Variants in ACSM3 observed in about 807,000 individuals in gnomAD.
ACSM3 encodes the protein acyl-coenzyme A synthetase ACSM3, mitochondrial.
A neutral mutation model predicts 74.1 loss-of-function variants in ACSM3; 61 were observed. The observed-to-expected ratio is 0.82, with a 90% CI of 0.67 to 1.02. The LOEUF is 1.02. Among genes scored for constraint, ACSM3 ranks in the 50% least tolerant of loss-of-function variants. The pLI, the probability that ACSM3 is intolerant of heterozygous loss-of-function variation, is 0.00. For missense variants in ACSM3, 660 were observed against 697.0 expected (o/e 0.95, Z 0.60); for synonymous variants, 213 against 241.5 (o/e 0.88, Z 1.09).
Position 20,795,766 on chromosome 16 carries a change from G to C in ACSM3, c.1555-604G>C, listed in dbSNP as rs112887155. 5.5e-3 allele frequency among the ~76,000 whole-genome samples: 841 copies of C among 152,264 alleles called. 9 individuals carry two copies. The highest frequency in any genetic ancestry group is 0.019 in the African/African-American group (799 of 41,548). On this transcript the variant is annotated intron_variant, in intron 12 of 13. Transcript: ENST00000289416. ...AAATGGCAGTCCTGGTAGTGCCCTAGGAGAGAAAATGACAGGACTCCAAAT... is the reference window on the plus strand; with the variant it reads ...AAATGGCAGTCCTGGTAGTGCCCTACGAGAGAAAATGACAGGACTCCAAAT...
At chr16:20,787,139 CT>C (rs2080491408) in intron 9 of ACSM3, among the ~76,000 whole-genome samples, 1 of 152,198 alleles carries the variant, frequency 6.6e-6, no homozygotes, top group African/African-American at 2.4e-5. Context: ...GCCAAAGGAA[CT>C]TAACACTAAT....
chr16:20,759,878 G>C (rs534396789), upstream of ACSM3, among the ~76,000 whole-genome samples: 2 of 152,160 alleles, frequency 1.3e-5, no homozygotes, highest in East Asian at 3.9e-4. Context: ...CAGTCTTGTG[G>C]GACTTGTAAA....
At chr16:20,749,536 A>G (rs1206450227) in intron 1 of ACSM3, 1 of 152,224 alleles carries the variant, frequency 6.6e-6, no homozygotes, top group African/African-American at 2.4e-5. Flanking sequence ...CTAAGAAGAG[A>G]CTGGCATCAC....
At chr16:20,780,441 TA>T in intron 4 of ACSM3, 1 of 624,948 alleles carries the variant, frequency 1.6e-6, no homozygotes, top group Non-Finnish European at 2.7e-6. Context: ...TCTCAAGTTT[TA>T]AAAATGCTTC....
At chr16:20,727,365 C>A in intron 1 of ACSM3, 1 of 587,418 alleles carries the variant, frequency 1.7e-6, no homozygotes. Context: ...GAGGCTGCGG[C>A]ACTGCTTGAC....
Position 20,793,464 on chromosome 16 carries a change from G to A in ACSM3, c.1554+1129G>A, listed in dbSNP as rs145946729. On this transcript the variant is annotated intron_variant, in intron 12 of 13. Transcript: ENST00000289416. ...AGCCTGGCTAACAGAACAAGACTCC[G>A]CCTCAAAAAAATAAAAATAAAAATA... 7.8e-3 allele frequency among the ~76,000 whole-genome samples: 1,180 copies of A among 150,954 alleles called. 15 individuals carry two copies. Among genetic ancestry groups the A allele is most frequent in the African/African-American group, 0.027 (1,101 of 40,518 alleles).
At position 20,793,825 on chromosome 16, in the gene ACSM3, G is replaced by T. The variant is rs554747738; in HGVS notation, c.1554+1490G>T. ...TTCCTGTACTTCTCCCCTACCATTA[G>T]TCATCATCAGTTTTACCCACCTAGA... is the stretch of plus-strand genomic sequence containing the variant. On this transcript the variant is annotated intron_variant, in intron 12 of 13. Coordinates refer to ENST00000289416, the MANE Select transcript of ACSM3 (RefSeq NM_005622.4). 2.6e-5 allele frequency among the ~76,000 whole-genome samples: 4 copies of T among 152,324 alleles called. No individual in the cohort carries two copies. In the East Asian group the frequency reaches 7.7e-4, roughly 29 times the overall value.
At chr16:20,793,330 A>G (rs867384378) in intron 12 of ACSM3, among the ~76,000 whole-genome samples, 6 of 152,210 alleles carry the variant, frequency 3.9e-5, no homozygotes, top group Middle Eastern at 3.4e-3. Context: ...TTAGCCAGGC[A>G]TGGTGGCACA....
At chr16:20,695,250 C>A (rs73530599) in intron 1 of ACSM3, among the ~76,000 whole-genome samples, 1 of 152,136 alleles carries the variant, frequency 6.6e-6, no homozygotes, top group Non-Finnish European at 1.5e-5. Context: ...ACCCACATAA[C>A]TTGGGGCAAT....
intron 2 of ACSM3, among the ~76,000 whole-genome samples, chr16:20,774,835 G>C (rs2080236331): frequency 6.6e-6 from 1 of 152,216 alleles, no homozygotes; most frequent in Non-Finnish European, 1.5e-5. Context: ...TCCTTTGGCA[G>C]TGCACATGGG....
At chr16:20,691,992 A>G (rs941949759) in intron 1 of ACSM3, among the ~76,000 whole-genome samples, 1 of 152,056 alleles carries the variant, frequency 6.6e-6, no homozygotes, top group African/African-American at 2.4e-5. Flanking sequence ...CCCTGGTTCA[A>G]ATTGTTCCTC....
At chr16:20,732,890 GT>G in intron 1 of ACSM3, 3 of 159,944 alleles carry the variant, frequency 1.9e-5, no homozygotes, top group East Asian at 1.9e-4. Context: ...GTCTCATAAC[GT>G]TTTTCCGTCA....
intron 8 of ACSM3, 140 bp from the exon 9 acceptor site, chr16:20,785,938 A>C: frequency 2.0e-6 from 1 of 510,660 alleles, no homozygotes; most frequent in Non-Finnish European, 3.5e-6. Flanking sequence ...TTATCACTAC[A>C]TTCCATGAGA....
intron 9 of ACSM3, among the ~76,000 whole-genome samples, chr16:20,787,663 C>G (rs1051828441): frequency 2.6e-5 from 4 of 152,132 alleles, no homozygotes; most frequent in African/African-American, 9.7e-5. Flanking sequence ...TAGAATAAAC[C>G]AGATCCTGGG....
chr16:20,740,569 C>G (rs1275742804), intron 1 of ACSM3, among the ~76,000 whole-genome samples: 1 of 152,236 alleles, frequency 6.6e-6, no homozygotes, highest in African/African-American at 2.4e-5. Flanking sequence ...AAGCAACTCA[C>G]TAGCCAGTCT....
chr16:20,685,463 A>C (rs1473045993), intron 1 of ACSM3: 2 of 1,474,758 alleles, frequency 1.4e-6, no homozygotes, highest in Non-Finnish European at 1.9e-6. Context: ...GCACTTAGTA[A>C]ACTAATCCAC....
intron 1 of ACSM3, among the ~76,000 whole-genome samples, chr16:20,723,285 G>T (rs1272175436): frequency 2.6e-5 from 4 of 151,964 alleles, no homozygotes; most frequent in South Asian, 2.1e-4. Flanking sequence ...GTCTATCATT[G>T]TTGGACATTT....
intron 1 of ACSM3, among the ~76,000 whole-genome samples, chr16:20,716,360 C>T (rs2079761464): frequency 1.3e-5 from 2 of 152,040 alleles, no homozygotes; most frequent in South Asian, 2.1e-4. Flanking sequence ...TAAAACCCCT[C>T]GTGGCCTTTG....
At chr16:20,763,093 T>A (rs1205642958), upstream of ACSM3, among the ~76,000 whole-genome samples, 4 of 152,230 alleles carry the variant, frequency 2.6e-5, no homozygotes, top group Non-Finnish European at 5.9e-5. Flanking sequence ...TAAAGTTGGG[T>A]CTCTCACATG....
Sources: allele counts gnomAD v4.1 joint callset (sites outside exome capture counted in the v4.1 genomes callset), GRCh38; gene constraint gnomAD v4.1.1; transcripts MANE v1.5; gene names NCBI Gene and HGNC (gene_info 2026-07-23, HGNC 2026-07-21).